ELOVL6: variants seen among roughly 807,000 people sequenced by gnomAD.
ELOVL6 encodes the protein ELOVL fatty acid elongase 6, also known as very long chain fatty acid elongase 6.
In ELOVL6, 8 loss-of-function variants were observed where a neutral mutation model predicts 31.7. The observed-to-expected ratio is 0.25, with a 90% confidence interval of 0.15 to 0.45. ELOVL6 has a LOEUF of 0.45. Ranked by LOEUF, ELOVL6 falls within the 20% of genes least tolerant of loss-of-function variation. ELOVL6 has a pLI of 1.00. For synonymous variants in ELOVL6, 101 were observed against 117.7 expected, an observed-to-expected ratio of 0.86 and a Z score of 0.92; for missense variants, 126 against 326.4, an observed-to-expected ratio of 0.39 and a Z score of 4.73.
intron 2 of ELOVL6, among the ~76,000 whole-genome samples, chr4:110,072,344 C>A (rs924458497): frequency 6.6e-6 from 1 of 152,170 alleles, no homozygotes; most frequent in African/African-American, 2.4e-5. Flanking sequence ...GGTATGGTGG[C>A]ACATGCCTGT....
rs1054830394 is a variant in ELOVL6 at position 110,047,218 on chromosome 4, A to G, written c.*4120T>C. On this transcript the variant is annotated 3_prime_UTR_variant, in exon 4 of 4. Transcript: ENST00000302274. ...CAAGAGGTGGACATGGACCATGCTT[A>G]TACAACTTAAAGCTCTGAACTCTGA... 1 of 152,136 alleles carries G rather than the reference A, an allele frequency of 6.6e-6. No homozygotes were observed. 9.4% of individuals were successfully genotyped at this position (152,136 alleles called of 1,614,324 possible).
chr4:110,106,073 TTGGG>T (rs1238528554), intron 1 of ELOVL6, among the ~76,000 whole-genome samples: 2 of 152,226 alleles, frequency 1.3e-5, no homozygotes, highest in Non-Finnish European at 2.9e-5. Flanking sequence ...AAATTTTATC[TTGGG>T]TGGGTGTGGT....
intron 2 of ELOVL6, among the ~76,000 whole-genome samples, chr4:110,094,445 T>TATATATATATATAAAAA (rs1756519913): frequency 1.3e-4 from 6 of 47,408 alleles, no homozygotes; most frequent in Non-Finnish European, 1.8e-4. Flanking sequence ...ATATATATAA[T>TATATATATATATAAAAA]ATATATAACA....
intron 2 of ELOVL6, among the ~76,000 whole-genome samples, chr4:110,101,127 C>T (rs1964211): frequency 0.31 from 46,459 of 152,058 alleles, 8,117 homozygotes; most frequent in East Asian, 0.7. Context: ...GCAACCTCCA[C>T]CTCCAGGGTT....
At chr4:110,192,149 A>T (rs1020888226) in intron 1 of ELOVL6, among the ~76,000 whole-genome samples, 1 of 151,426 alleles carries the variant, frequency 6.6e-6, no homozygotes, top group Non-Finnish European at 1.5e-5. Context: ...GAGATGGAAC[A>T]ATTGCACTCC....
At chr4:110,088,399 T>C (rs994296298) in intron 2 of ELOVL6, among the ~76,000 whole-genome samples, 2 of 152,140 alleles carry the variant, frequency 1.3e-5, no homozygotes, top group Non-Finnish European at 2.9e-5. Flanking sequence ...AACCCACCAA[T>C]TGGGACACAT....
rs528652088 is a variant in ELOVL6, at chr4:110,141,315, G to A, written c.90-35687C>T. ...CAACCTCAGGTGATCCACCTGCCTT[G>A]GCCTCCTAAAGTGCTGGGATTACAG... On this transcript the variant is annotated intron_variant, in intron 1 of 3. Coordinates refer to ENST00000302274, the MANE Select transcript of ELOVL6 (RefSeq NM_024090.3). Among the ~76,000 whole-genome samples, 6 of 152,154 alleles carry A rather than the reference G, an allele frequency of 3.9e-5. No homozygotes were observed. The East Asian group carries it at 1.2e-3, about 29-fold the overall frequency.
At chr4:110,089,960 G>T (rs752640700) in intron 2 of ELOVL6, among the ~76,000 whole-genome samples, 1 of 152,146 alleles carries the variant, frequency 6.6e-6, no homozygotes, top group Non-Finnish European at 1.5e-5. Context: ...AATTTTCTTT[G>T]TATTACACAG....
chr4:110,141,148 C>T (rs1757942340), intron 1 of ELOVL6, among the ~76,000 whole-genome samples: 1 of 152,264 alleles, frequency 6.6e-6, no homozygotes, highest in African/African-American at 2.4e-5. Flanking sequence ...ACCGCAACCT[C>T]TGCCTCCCGG....
rs559576669 is a variant in ELOVL6, at chr4:110,169,376, C to G, written c.89+28871G>C. On this transcript the variant is annotated intron_variant, in intron 1 of 3. Transcript: ENST00000302274. ...GCCTTAGCCTCCCTAGTAGCTGGGACTACAGGTGCCTAACACCATGCCCAG... is the reference window on the plus strand; with the variant it reads ...GCCTTAGCCTCCCTAGTAGCTGGGAGTACAGGTGCCTAACACCATGCCCAG... Among the ~76,000 whole-genome samples, 9 of 151,902 alleles carry G rather than the reference C, an allele frequency of 5.9e-5. No homozygotes were observed. The South Asian group carries it at 1.9e-3, about 32-fold the overall frequency.
At chr4:110,190,783 G>A (rs1414247886) in intron 1 of ELOVL6, among the ~76,000 whole-genome samples, 4 of 150,782 alleles carry the variant, frequency 2.7e-5, no homozygotes, top group African/African-American at 7.3e-5. Flanking sequence ...GGGATTACAA[G>A]TATAAGCCAC....
chr4:110,061,603 C>A (rs1333061587), intron 2 of ELOVL6, among the ~76,000 whole-genome samples: 1 of 131,300 alleles, frequency 7.6e-6, no homozygotes, highest in African/African-American at 2.9e-5. Flanking sequence ...CTCAGCCAGG[C>A]TGGAGTACAG....
chr4:110,150,219 T>C (rs189290622), intron 1 of ELOVL6, among the ~76,000 whole-genome samples: 11 of 152,296 alleles, frequency 7.2e-5, no homozygotes, highest in Admixed American at 2.6e-4. Flanking sequence ...GTCTACTTCA[T>C]GTATTTTCAA....
chr4:110,097,167 G>A (rs141722064), intron 2 of ELOVL6, among the ~76,000 whole-genome samples: 1,578 of 152,014 alleles, frequency 0.01, 24 homozygotes, highest in African/African-American at 0.034. Context: ...TTAGCCAAGC[G>A]TGGTGGCGGG....
chr4:110,150,153 CCTT>C (rs1758241370), intron 1 of ELOVL6, among the ~76,000 whole-genome samples: 1 of 152,146 alleles, frequency 6.6e-6, no homozygotes, highest in South Asian at 2.1e-4. Context: ...CTCAAGCAAT[CCTT>C]CTGCTTCGGC....
intron 1 of ELOVL6, among the ~76,000 whole-genome samples, chr4:110,126,149 T>C (rs939714942): frequency 5.9e-5 from 9 of 152,074 alleles, no homozygotes; most frequent in African/African-American, 1.7e-4. Context: ...GCTCAAACAA[T>C]TGTCCTACCT....
intron 1 of ELOVL6, among the ~76,000 whole-genome samples, chr4:110,162,808 C>T (rs919435101): frequency 6.6e-6 from 1 of 152,196 alleles, no homozygotes; most frequent in African/African-American, 2.4e-5. Flanking sequence ...TACTGAGCTT[C>T]TACTACATAC....
chr4:110,054,231 G>A (rs1754915747), intron 3 of ELOVL6, among the ~76,000 whole-genome samples: 1 of 152,214 alleles, frequency 6.6e-6, no homozygotes, highest in Non-Finnish European at 1.5e-5. Context: ...GTCTATAAGT[G>A]TCAGGCAGAC....
At chr4:110,083,513 C>T (rs1755948730) in intron 2 of ELOVL6, among the ~76,000 whole-genome samples, 1 of 151,524 alleles carries the variant, frequency 6.6e-6, no homozygotes, top group African/African-American at 2.4e-5. Flanking sequence ...TGGACTACAG[C>T]TTATAGGGCC....
Sources: gnomAD v4.1 joint callset for allele counts (sites outside exome capture counted in the v4.1 genomes callset) on GRCh38, gnomAD v4.1.1 for gene constraint, MANE v1.5 for transcripts, NCBI Gene and HGNC (gene_info 2026-07-23, HGNC 2026-07-21) for gene names.